TMEM161B: variants seen among roughly 807,000 people sequenced by gnomAD.
TMEM161B encodes the protein transmembrane protein 161B.
In TMEM161B, 34 loss-of-function variants were observed where a neutral mutation model predicts 61.8. The ratio of observed to expected loss-of-function variants is 0.55; its 90% CI spans 0.42 to 0.73. The LOEUF is 0.73. Ranked by LOEUF, TMEM161B falls within the 30% of genes least tolerant of loss-of-function variation. The pLI is 0.00. For missense variants in TMEM161B, 456 were observed against 558.5 expected (o/e 0.82, Z 1.85); for synonymous variants, 167 against 192.8 (o/e 0.87, Z 1.11).
In TMEM161B at chr5:88,207,917, A is replaced by C. The variant is rs150216074; in HGVS notation, c.447-737T>G. Among the ~76,000 whole-genome samples the C allele has an allele frequency of 9.8e-5, 15 of 152,354 alleles. No individual in the cohort carries two copies. In the East Asian group the frequency reaches 2.9e-3, roughly 29 times the overall value. On this transcript the variant is annotated intron_variant, in intron 5 of 11. Transcript: ENST00000296595. ...CCTTTACGTAAAGTTTATGTCAAGC[A>C]TGGAAAATTAACAGCTATCACTTAG...
At chr5:88,255,607 A>T (rs1235961495) in intron 1 of TMEM161B, among the ~76,000 whole-genome samples, 1 of 152,192 alleles carries the variant, frequency 6.6e-6, no homozygotes, top group Non-Finnish European at 1.5e-5. Context: ...AATTGTCAAC[A>T]ACTATAATTT....
At chr5:88,200,593 A>G (rs1580340776) in intron 9 of TMEM161B, 1 of 152,262 alleles carries the variant, frequency 6.6e-6, no homozygotes, top group South Asian at 2.1e-4. Context: ...TTGAGGATTT[A>G]GGATAATAGT....
intron 9 of TMEM161B, chr5:88,202,230 T>C (rs1235750136): frequency 2.3e-6 from 1 of 426,840 alleles, no homozygotes; most frequent in Non-Finnish European, 4.7e-6. Context: ...AAACTTTCTA[T>C]TACTCTAACA....
intron 1 of TMEM161B, among the ~76,000 whole-genome samples, chr5:88,250,269 G>A (rs1286507082): frequency 6.6e-6 from 1 of 152,058 alleles, no homozygotes. Context: ...TAGCTTGCCA[G>A]GTTTCTGGTT....
chr5:88,195,492 A>C lies in TMEM161B; in HGVS notation c.*719T>G, dbSNP rs1749475003. On this transcript the variant is annotated 3_prime_UTR_variant, in exon 12 of 12. Coordinates refer to ENST00000296595, the MANE Select transcript of TMEM161B (RefSeq NM_153354.5). Reference sequence around the variant, plus strand: ...AGGAACTAGTTAGGATCACAGAATAAAACAAAATATGGCAGGTCCAAACCT... The same window carrying C: ...AGGAACTAGTTAGGATCACAGAATACAACAAAATATGGCAGGTCCAAACCT... 32 of 984,844 alleles carry C rather than the reference A, an allele frequency of 3.2e-5. No homozygotes were observed. The highest frequency in any genetic ancestry group is 3.9e-5 in the Non-Finnish European group (32 of 829,462). 61.0% of individuals were successfully genotyped at this position (984,844 alleles called of 1,614,324 possible).
intron 1 of TMEM161B, among the ~76,000 whole-genome samples, chr5:88,262,604 T>C (rs1380061153): frequency 6.6e-6 from 1 of 152,140 alleles, no homozygotes. Flanking sequence ...AAGACAGAGA[T>C]GAACCTTAAA....
downstream of TMEM161B, among the ~76,000 whole-genome samples, chr5:88,186,637 C>A (rs2112289729): frequency 6.6e-6 from 1 of 151,850 alleles, no homozygotes; most frequent in East Asian, 1.9e-4. Context: ...TATTAAAAAC[C>A]ATTTTATGGG....
exon 13 of TMEM161B, chr5:88,190,045 T>C: frequency 1.4e-6 from 1 of 699,888 alleles, no homozygotes; most frequent in Non-Finnish European, 2.6e-6. Context: ...AATCTAGGAA[T>C]AAGATCTCAA....
intron 8 of TMEM161B, 25 bp downstream of exon 8, chr5:88,205,789 G>A: frequency 3.1e-6 from 5 of 1,608,718 alleles, no homozygotes; most frequent in Non-Finnish European, 4.2e-6. Context: ...TTATCTGCAT[G>A]TGCTTATGTA....
chr5:88,190,592 CTG>C (rs1201644045), downstream of TMEM161B, among the ~76,000 whole-genome samples: 1 of 152,178 alleles, frequency 6.6e-6, no homozygotes, highest in East Asian at 1.9e-4. Context: ...TTTGGAGACT[CTG>C]AGTCAGTGCG....
At chr5:88,262,969 C>T (rs181654569) in intron 1 of TMEM161B, among the ~76,000 whole-genome samples, 2 of 152,052 alleles carry the variant, frequency 1.3e-5, no homozygotes, top group East Asian at 3.9e-4. Flanking sequence ...TTCATATAAT[C>T]GATTACTATC....
chr5:88,202,945 C>T lies in TMEM161B; in HGVS notation c.914+17G>A. ...AGTTTTGGTGATAAAAATCAGCCCTCAAATGCCCATACTTACAAAGGGATA... is the reference window on the plus strand; with the variant it reads ...AGTTTTGGTGATAAAAATCAGCCCTTAAATGCCCATACTTACAAAGGGATA... On this transcript the variant is annotated intron_variant, in intron 9 of 11. Transcript: ENST00000296595. 1.3e-6 allele frequency: 2 copies of T among 1,534,494 alleles called. No individual in the cohort carries two copies. Among genetic ancestry groups the T allele is most frequent in the South Asian group, 1.1e-5 (1 of 89,132 alleles).
At chr5:88,221,723 G>A (rs766953864) in intron 4 of TMEM161B, 21 of 456,020 alleles carry the variant, frequency 4.6e-5, no homozygotes, top group South Asian at 1.1e-4. Context: ...CTACCAGAGT[G>A]TAGTCCAAAA....
intron 4 of TMEM161B, among the ~76,000 whole-genome samples, chr5:88,222,134 T>C (rs1338747393): frequency 6.6e-6 from 1 of 152,198 alleles, no homozygotes; most frequent in African/African-American, 2.4e-5. Flanking sequence ...AGTGGTGTGA[T>C]CATAGCTCAC....
chr5:88,217,640 T>G (rs1748132065), intron 5 of TMEM161B, among the ~76,000 whole-genome samples: 1 of 152,100 alleles, frequency 6.6e-6, no homozygotes, highest in Non-Finnish European at 1.5e-5. Context: ...TTAGTACTTT[T>G]TAAAAGTAAC....
intron 9 of TMEM161B, chr5:88,202,490 G>A (rs768574150): frequency 9.1e-5 from 17 of 187,106 alleles, no homozygotes; most frequent in Middle Eastern, 2.2e-3. Context: ...AAACTGTTAT[G>A]TCTCTAATTT....
chr5:88,266,228 T>C (rs1048813975), intron 1 of TMEM161B, among the ~76,000 whole-genome samples: 37 of 152,238 alleles, frequency 2.4e-4, no homozygotes, highest in African/African-American at 8.9e-4. Context: ...TAGTTTATCA[T>C]TGATTAAAAC....
intron 4 of TMEM161B, among the ~76,000 whole-genome samples, 193 bp downstream of exon 4, chr5:88,225,576 C>T (rs575663090): frequency 7.9e-5 from 12 of 151,804 alleles, no homozygotes; most frequent in East Asian, 3.9e-4. Flanking sequence ...TAGCCTCTTC[C>T]GAAAATAGGA....
intron 11 of TMEM161B, among the ~76,000 whole-genome samples, chr5:88,197,467 A>G (rs1749850775): frequency 6.6e-6 from 1 of 152,168 alleles, no homozygotes; most frequent in Non-Finnish European, 1.5e-5. Context: ...GACAAAGCAT[A>G]AAGTTATAAA....
Sources: gnomAD v4.1 joint callset for allele counts (sites outside exome capture counted in the v4.1 genomes callset) on GRCh38, gnomAD v4.1.1 for gene constraint, MANE v1.5 for transcripts, NCBI Gene and HGNC (gene_info 2026-07-23, HGNC 2026-07-21) for gene names.